The following MCM10 variants were observed in gnomAD, a reference collection of about 807,000 sequenced individuals.
MCM10 encodes the protein minichromosome maintenance 10 replication initiation factor.
A neutral mutation model predicts 109.9 loss-of-function variants in MCM10; 91 were observed. The observed-to-expected ratio is 0.83, with a 90% CI of 0.70 to 0.99. The LOEUF is 0.99. Among genes scored for constraint, MCM10 ranks in the 50% least tolerant of loss-of-function variants. MCM10 has a pLI of 0.00. For synonymous variants in MCM10, 380 were observed against 387.2 expected, an observed-to-expected ratio of 0.98 and a Z score of 0.22; for missense variants, 1,077 against 1,061.2, an observed-to-expected ratio of 1.01 and a Z score of -0.21.
At chr10:13,203,755 G>A (rs533663020) in intron 17 of MCM10, among the ~76,000 whole-genome samples, 3 of 152,126 alleles carry the variant, frequency 2.0e-5, no homozygotes, top group Admixed American at 1.3e-4. Flanking sequence ...CTGCTAATAG[G>A]GAGTAAGAAT....
intron 6 of MCM10, among the ~76,000 whole-genome samples, chr10:13,179,321 C>A (rs763608294): frequency 2.6e-5 from 4 of 152,166 alleles, no homozygotes; most frequent in African/African-American, 7.2e-5. Flanking sequence ...TTAGGGACAT[C>A]TGCTCCTTGG....
chr10:13,167,761 G>T (rs1834020740), intron 2 of MCM10, among the ~76,000 whole-genome samples: 1 of 152,236 alleles, frequency 6.6e-6, no homozygotes, highest in Admixed American at 6.5e-5. Flanking sequence ...TGATCAACAA[G>T]TATTTGTTGC....
At position 13,183,089 on chromosome 10, in the gene MCM10, G is replaced by A. The variant is rs1355567323; in HGVS notation, c.1087G>A (p.Gly363Ser). ...TGCCAACCCCATGAAGCCCAAGGAT[G>A]GTTCAGAGGAGGTAAGAGCCTGTTT... ...LNANPMKPKD[G>S]SEEVCLSIDH... is the part of the protein sequence containing the mutation. The change falls in exon 8 of 20, where the codon GGT (glycine) becomes AGT (serine). Residue 363 changes from glycine (G) to serine (S), a missense_variant. Gly to Ser is a moderately conservative substitution (Grantham distance 56). Transcript: ENST00000378714. The A allele has an allele frequency of 6.2e-7, 1 of 1,610,216 alleles. No individual in the cohort carries two copies. Among genetic ancestry groups the A allele is most frequent in the Non-Finnish European group, 8.5e-7 (1 of 1,179,046 alleles).
chr10:13,208,566 C>CA (rs55683228), intron 18 of MCM10, among the ~76,000 whole-genome samples: 5,930 of 114,380 alleles, frequency 0.052, 335 homozygotes, highest in African/African-American at 0.12. Flanking sequence ...CCCATCTCTC[C>CA]AAAAAAAAAA....
At chr10:13,171,939 TA>T (rs1834079583) in intron 3 of MCM10, among the ~76,000 whole-genome samples, 2 of 151,810 alleles carry the variant, frequency 1.3e-5, no homozygotes, top group Admixed American at 1.3e-4. Flanking sequence ...TAATTTTTTT[TA>T]TTTTTTTTAT....
At chr10:13,203,310 T>C (rs754183251) in intron 17 of MCM10, among the ~76,000 whole-genome samples, 3 of 152,154 alleles carry the variant, frequency 2.0e-5, no homozygotes, top group Non-Finnish European at 4.4e-5. Flanking sequence ...ACTTCCTCCA[T>C]GCAGCCAGCG....
At chr10:13,192,217 A>G in intron 11 of MCM10, 38 bp from the exon 12 acceptor site, 1 of 1,388,406 alleles carries the variant, frequency 7.2e-7, no homozygotes, top group Non-Finnish European at 1.0e-6. Flanking sequence ...AAACCATCTG[A>G]ATGTGAATCC....
chr10:13,180,004 C>T (rs888561268), intron 6 of MCM10, among the ~76,000 whole-genome samples: 15 of 152,106 alleles, frequency 9.9e-5, no homozygotes, highest in Non-Finnish European at 1.6e-4. Flanking sequence ...CTGTAATCCC[C>T]GCACTTTGGG....
intron 14 of MCM10, among the ~76,000 whole-genome samples, chr10:13,196,846 T>C (rs774615219): frequency 5.3e-5 from 8 of 152,122 alleles, no homozygotes; most frequent in African/African-American, 1.2e-4. Flanking sequence ...ATTCATACTT[T>C]GCAGATATTA....
chr10:13,189,930 G>A (rs1011204252), intron 10 of MCM10, among the ~76,000 whole-genome samples: 11 of 152,042 alleles, frequency 7.2e-5, no homozygotes, highest in Middle Eastern at 3.4e-3. Flanking sequence ...AATTGTCTTG[G>A]ACTACACATA....
chr10:13,204,986 GTA>G (rs1834551525), intron 18 of MCM10, among the ~76,000 whole-genome samples: 3 of 17,782 alleles, frequency 1.7e-4, no homozygotes, highest in African/African-American at 4.9e-4. Flanking sequence ...TGCTTCTCAT[GTA>G]TGTATGTATG....
At chr10:13,194,963 C>T (rs1449992502) in intron 13 of MCM10, 78 bp from the exon 14 acceptor site, 1 of 1,355,580 alleles carries the variant, frequency 7.4e-7, no homozygotes, top group African/African-American at 1.4e-5. Flanking sequence ...TGCCTGCCGC[C>T]TCCCAGTCCA....
At chr10:13,186,983 T>C (rs939834618) in intron 9 of MCM10, among the ~76,000 whole-genome samples, 2 of 152,104 alleles carry the variant, frequency 1.3e-5, no homozygotes, top group African/African-American at 4.8e-5. Context: ...TAGAGTGAGA[T>C]TCTGTCTCCA....
chr10:13,199,566 T>C (rs949813639), intron 16 of MCM10, among the ~76,000 whole-genome samples: 1 of 152,182 alleles, frequency 6.6e-6, no homozygotes. Context: ...TGCTTCCTTA[T>C]CTTGAAATAA....
In MCM10 at chr10:13,180,452, G is replaced by A. The variant is rs375461362; in HGVS notation, c.775G>A (p.Val259Ile). The A allele has an allele frequency of 2.2e-5, 36 of 1,610,538 alleles. No homozygotes were observed. The African/African-American group carries it at 4.6e-4, about 20-fold the overall frequency. The change falls in exon 7 of 20, where the codon GTA becomes ATA. Residue 259 changes from valine to isoleucine, a missense_variant. Transcript: ENST00000378714. Reference sequence around the variant, plus strand: ...GGTTTCTTAACCCAGGCGGCCTCGAGTATCCTCCACAGAAATGAACAAGAA... The same window carrying A: ...GGTTTCTTAACCCAGGCGGCCTCGAATATCCTCCACAGAAATGAACAAGAA... ...FSGLRLRRPR[V>I]SSTEMNKKMT...
In MCM10 at chr10:13,198,673, G is replaced by T. The variant is rs769805333; in HGVS notation, c.2120-16G>T. On this transcript the variant is annotated splice_polypyrimidine_tract_variant and intron_variant, in intron 15 of 19. Transcript: ENST00000378714. ...AATTTCTTGGTCGCTGCTAATGTTT[G>T]TTCCTTGTGCCCTAGCTGAGGATGA... 2 of 1,556,762 alleles carry T rather than the reference G, an allele frequency of 1.3e-6. No homozygotes were observed. Among genetic ancestry groups the T allele is most frequent in the African/African-American group, 1.4e-5 (1 of 73,762 alleles).
At chr10:13,174,095 A>G (rs1414381719) in intron 5 of MCM10, among the ~76,000 whole-genome samples, 1 of 151,864 alleles carries the variant, frequency 6.6e-6, no homozygotes, top group Non-Finnish European at 1.5e-5. Context: ...GAATGGAATG[A>G]AATGAAACAA....
rs1834087991 is a variant in MCM10, at chr10:13,172,519, T to G, written c.454+39T>G. On this transcript the variant is annotated intron_variant, in intron 4 of 19. Transcript: ENST00000378714. This position sits in a 1 kb window ranked among gnomAD's most constrained non-coding sequence, Gnocchi z 5.2. ...CATTCTGGCAATCGTGTGCATTTAT[T>G]TTATTAGAAATTATCACATCATTTC... 7 of 1,605,980 alleles carry G rather than the reference T, an allele frequency of 4.4e-6. No individual in the cohort carries two copies. The South Asian group carries it at 7.7e-5, about 18-fold the overall frequency.
intron 13 of MCM10, 81 bp from the exon 14 acceptor site, chr10:13,194,960 C>T (rs1386157631): frequency 1.5e-5 from 19 of 1,307,488 alleles, no homozygotes; most frequent in African/African-American, 5.9e-5. Context: ...GCCTGCCTGC[C>T]GCCTCCCAGT....
Sources: gnomAD v4.1 joint callset for allele counts (sites outside exome capture counted in the v4.1 genomes callset) on GRCh38, gnomAD v4.1.1 for gene constraint, Gnocchi (gnomAD v3.1) non-coding constraint, MANE v1.5 for transcripts, NCBI Gene and HGNC (gene_info 2026-07-23, HGNC 2026-07-21) for gene names.